Variants in NBEA observed in about 807,000 individuals in gnomAD.
NBEA encodes the protein neurobeachin, also known as lysosomal-trafficking regulator 2.
In NBEA, 44 loss-of-function variants were observed where a neutral mutation model predicts 343.4. The ratio of observed to expected loss-of-function variants is 0.13; its 90% CI spans 0.10 to 0.16. NBEA has a LOEUF of 0.16. NBEA is among the 10% of genes least tolerant of loss of function. NBEA has a pLI of 1.00. For missense variants in NBEA, 2,555 were observed against 3,631.3 expected (o/e 0.70, Z 7.62); for synonymous variants, 1,175 against 1,238.7 (o/e 0.95, Z 1.08).
chr13:35,295,153 TATA>T (rs1371227449), intron 35 of NBEA, among the ~76,000 whole-genome samples: 1 of 148,374 alleles, frequency 6.7e-6, no homozygotes, highest in East Asian at 1.9e-4. Flanking sequence ...TATAAATAAA[TATA>T]ATATTTATTT....
At chr13:35,592,705 G>A (rs2081591504) in intron 46 of NBEA, among the ~76,000 whole-genome samples, 1 of 152,032 alleles carries the variant, frequency 6.6e-6, no homozygotes, top group African/African-American at 2.4e-5. Context: ...AGTTAAGCAG[G>A]TTCCAGATCA....
At chr13:34,944,066 T>G (rs1418800832) in intron 1 of NBEA, among the ~76,000 whole-genome samples, 1 of 152,208 alleles carries the variant, frequency 6.6e-6, no homozygotes, top group East Asian at 1.9e-4. Flanking sequence ...ATGGAGGTTT[T>G]GTTTTGTTTT....
At chr13:35,429,912 T>A (rs1402681723) in intron 38 of NBEA, among the ~76,000 whole-genome samples, 4 of 152,036 alleles carry the variant, frequency 2.6e-5, no homozygotes, top group Non-Finnish European at 5.9e-5. Context: ...CAAATTGTGC[T>A]GCTATAAACA....
chr13:35,318,959 AT>A, intron 36 of NBEA, among the ~76,000 whole-genome samples: 1 of 151,870 alleles, frequency 6.6e-6, no homozygotes, highest in Non-Finnish European at 1.5e-5. Flanking sequence ...CCTCTTTATC[AT>A]TTTTTACTGT....
At chr13:35,471,109 T>G (rs2075623686) in intron 40 of NBEA, among the ~76,000 whole-genome samples, 1 of 152,150 alleles carries the variant, frequency 6.6e-6, no homozygotes, top group South Asian at 2.1e-4. Flanking sequence ...AAGCTGACAC[T>G]GTCACAGTTT....
intron 38 of NBEA, among the ~76,000 whole-genome samples, chr13:35,429,118 A>G (rs1207383077): frequency 6.6e-6 from 1 of 152,178 alleles, no homozygotes; most frequent in African/African-American, 2.4e-5. Flanking sequence ...GGGATGCCCC[A>G]TTACTGTCCA....
intron 41 of NBEA, among the ~76,000 whole-genome samples, chr13:35,533,245 T>C (rs2078353426): frequency 6.6e-6 from 1 of 152,168 alleles, no homozygotes; most frequent in Admixed American, 6.5e-5. Context: ...AATTTAATCA[T>C]GTTTTCAGTC....
chr13:35,407,122 G>A (rs2043311022), intron 38 of NBEA, among the ~76,000 whole-genome samples: 1 of 109,274 alleles, frequency 9.2e-6, no homozygotes, highest in African/African-American at 2.7e-5. Flanking sequence ...ACCACACCTG[G>A]CTAATTTTTG....
At chr13:35,063,973 T>C (rs2063555889) in intron 8 of NBEA, among the ~76,000 whole-genome samples, 1 of 151,930 alleles carries the variant, frequency 6.6e-6, no homozygotes, top group Admixed American at 6.6e-5. Context: ...GGAGTTGTCA[T>C]TTACTGAGAT....
chr13:35,310,441 C>G (rs559241011), intron 36 of NBEA, among the ~76,000 whole-genome samples: 1 of 152,316 alleles, frequency 6.6e-6, no homozygotes, highest in African/African-American at 2.4e-5. Flanking sequence ...AGTGTGAACT[C>G]TGATAAATAT....
chr13:35,153,332 C>T (rs1408741476), intron 18 of NBEA, among the ~76,000 whole-genome samples: 1 of 152,084 alleles, frequency 6.6e-6, no homozygotes, highest in Non-Finnish European at 1.5e-5. Flanking sequence ...CATGCCTGGC[C>T]ACATAGGTTC....
chr13:35,047,909 CTTAT>C (rs1419106554), intron 4 of NBEA, among the ~76,000 whole-genome samples: 1 of 151,764 alleles, frequency 6.6e-6, no homozygotes, highest in Non-Finnish European at 1.5e-5. Context: ...CAGCTACTTT[CTTAT>C]TTATTCCTTA....
chr13:35,499,441 C>T (rs1320128561), intron 41 of NBEA, among the ~76,000 whole-genome samples: 1 of 152,072 alleles, frequency 6.6e-6, no homozygotes, highest in Non-Finnish European at 1.5e-5. Flanking sequence ...CTCTCTTCTC[C>T]AAAGCTCTCT....
chr13:35,330,627 A>G (rs965474817), intron 36 of NBEA, among the ~76,000 whole-genome samples: 2 of 151,938 alleles, frequency 1.3e-5, no homozygotes, highest in African/African-American at 4.8e-5. Flanking sequence ...CCTACTTCTC[A>G]CCCAATCAAA....
chr13:35,234,642 A>G (rs1030247778), intron 34 of NBEA, among the ~76,000 whole-genome samples: 13 of 152,270 alleles, frequency 8.5e-5, no homozygotes, highest in African/African-American at 2.4e-4. Flanking sequence ...GTAGTTGTGT[A>G]TACCTGGTCT....
At chr13:35,476,658 A>T in intron 41 of NBEA, 1 of 573,016 alleles carries the variant, frequency 1.7e-6, no homozygotes, top group Non-Finnish European at 2.7e-6. Context: ...GTGCGTGTGT[A>T]TATGTCAGAA....
intron 10 of NBEA, among the ~76,000 whole-genome samples, chr13:35,088,035 C>T (rs925087517): frequency 6.6e-6 from 1 of 151,688 alleles, no homozygotes; most frequent in African/African-American, 2.4e-5. Flanking sequence ...TAGAAAGGTG[C>T]AGTGTTTTGG....
At chr13:35,367,707 T>C (rs1234367378) in intron 38 of NBEA, among the ~76,000 whole-genome samples, 1 of 151,466 alleles carries the variant, frequency 6.6e-6, no homozygotes, top group African/African-American at 2.4e-5. Context: ...TTTTGAGTCT[T>C]AACATAAGTC....
In NBEA at chr13:35,654,272, C is replaced by A. The variant is rs138006612; in HGVS notation, c.8036-583C>A. The stretch of plus-strand genomic sequence containing the variant: ...TCCCTCTCTCATCTTTTTTGTTCCT[C>A]TCCTCCCCTGCTAGCCCTTTCTGGA... On this transcript the variant is annotated intron_variant, in intron 53 of 58. Coordinates refer to ENST00000379939, the MANE Select transcript of NBEA (RefSeq NM_001385012.1). 3.7e-3 allele frequency among the ~76,000 whole-genome samples: 567 copies of A among 152,226 alleles called. 2 individuals carry two copies. Among genetic ancestry groups the A allele is most frequent in the Non-Finnish European group, 4.2e-3 (283 of 68,010 alleles).
Sources: allele counts gnomAD v4.1 joint callset (sites outside exome capture counted in the v4.1 genomes callset), GRCh38; gene constraint gnomAD v4.1.1; transcripts MANE v1.5; gene names NCBI Gene and HGNC (gene_info 2026-07-23, HGNC 2026-07-21).